The following ADARB1 variants were observed in gnomAD, a reference collection of about 807,000 sequenced individuals.
The protein encoded by ADARB1 is adenosine deaminase RNA specific B1, also known as double-stranded RNA-specific editase 1.
In ADARB1, 10 loss-of-function variants were observed where a neutral mutation model predicts 52.4. The ratio of observed to expected loss-of-function variants is 0.19; its 90% CI spans 0.12 to 0.32. The LOEUF is 0.32. Among genes scored for constraint, ADARB1 ranks in the 10% least tolerant of loss-of-function variants. ADARB1 has a pLI of 1.00. For synonymous variants in ADARB1, 349 were observed against 371.1 expected (o/e 0.94, Z 0.68); for missense variants, 643 against 922.3 (o/e 0.70, Z 3.92).
At chr21:45,179,025 T>TC (rs1015040032) in intron 4 of ADARB1, among the ~76,000 whole-genome samples, 2 of 152,222 alleles carry the variant, frequency 1.3e-5, no homozygotes, top group Admixed American at 1.3e-4. Context: ...CTCTGGCTTA[T>TC]CCCTAATCTT....
At chr21:45,177,565 C>G (rs796325700) in intron 4 of ADARB1, 1 of 152,342 alleles carries the variant, frequency 6.6e-6, no homozygotes, top group East Asian at 1.9e-4. Context: ...ATCCAAAGTT[C>G]TTCTGGTCTA....
In ADARB1 at chr21:45,221,908, C is replaced by A; in HGVS notation, c.1927-110C>A. ...AAGGCGCCTTCCTCTGGGTTGCTTTCCCCCCAGAAGCCAATGCAGTTCTGA... is the reference window on the plus strand; with the variant it reads ...AAGGCGCCTTCCTCTGGGTTGCTTTACCCCCAGAAGCCAATGCAGTTCTGA... On this transcript the variant is annotated intron_variant, in intron 10 of 10. Transcript: ENST00000348831. The surrounding 1 kb of genome is among the most constrained non-coding windows in gnomAD (Gnocchi z 4.9). 8.1e-7 allele frequency: 1 copy of A among 1,235,026 alleles called. No individual in the cohort carries two copies. Among genetic ancestry groups the A allele is most frequent in the South Asian group, 1.5e-5 (1 of 66,898 alleles). 76.5% of individuals were successfully genotyped at this position (1,235,026 alleles called of 1,614,324 possible). A position where few individuals can be genotyped will look rare whatever the true frequency, so the allele number is the denominator to read the frequency against.
intron 1 of ADARB1, among the ~76,000 whole-genome samples, chr21:45,101,368 C>T (rs1000008252): frequency 7.9e-5 from 12 of 152,376 alleles, no homozygotes; most frequent in African/African-American, 2.2e-4. Context: ...GAAATGCCCG[C>T]TGCCAGTCGC....
At chr21:45,155,199 A>C (rs927357828) in intron 2 of ADARB1, among the ~76,000 whole-genome samples, 1 of 152,144 alleles carries the variant, frequency 6.6e-6, no homozygotes, top group African/African-American at 2.4e-5. Flanking sequence ...CCATGTTTCC[A>C]GGATAGAGGT....
At chr21:45,174,919 G>T (rs1366001787) in intron 3 of ADARB1, among the ~76,000 whole-genome samples, 2 of 152,250 alleles carry the variant, frequency 1.3e-5, no homozygotes, top group Non-Finnish European at 1.5e-5. Context: ...TATTTATGAA[G>T]TTAGGAAGTT....
At position 45,175,977 on chromosome 21, in the gene ADARB1, T is replaced by A; in HGVS notation, c.276T>A (p.Gly92=). Residue 92 remains glycine, a synonymous_variant, in exon 4 of 11, where the codon GGT becomes GGA. Transcript: ENST00000348831. ...ALMQLNEIKP[G]LQYTLLSQTG... is the part of the protein sequence containing the mutation. Reference sequence around the variant, plus strand: ...TGCAGCTGAATGAGATCAAGCCTGGTTTGCAGTACACACTCCTGTCCCAGA... The same window carrying A: ...TGCAGCTGAATGAGATCAAGCCTGGATTGCAGTACACACTCCTGTCCCAGA... The A allele has an allele frequency of 6.2e-7, 1 of 1,613,418 alleles. No individual in the cohort carries two copies. Among genetic ancestry groups the A allele is most frequent in the Non-Finnish European group, 8.5e-7 (1 of 1,179,750 alleles).
chr21:45,109,761 C>T (rs2087450926), intron 1 of ADARB1, among the ~76,000 whole-genome samples: 1 of 152,192 alleles, frequency 6.6e-6, no homozygotes, highest in South Asian at 2.1e-4. Context: ...GCCCCTCTTT[C>T]TGGATGCTTT....
rs1255416437 is a variant in ADARB1 at position 45,226,263 on chromosome 21, A to G, written c.*4066A>G. 6.6e-6 allele frequency: 1 copy of G among 152,582 alleles called. No homozygotes were observed. Among genetic ancestry groups the G allele is most frequent in the Admixed American group, 6.5e-5 (1 of 15,286 alleles). The allele number at this position is 152,582 out of a possible 1,614,324, so 9.5% of individuals were successfully genotyped here. A position where few individuals can be genotyped will look rare whatever the true frequency, so the allele number is the denominator to read the frequency against. Reference sequence around the variant, plus strand: ...ACATGAACTGAACGGTTAAAAGCACAGTCTATGGAACGCTAATGGAGTCAG... The same window carrying G: ...ACATGAACTGAACGGTTAAAAGCACGGTCTATGGAACGCTAATGGAGTCAG... On this transcript the variant is annotated 3_prime_UTR_variant, in exon 11 of 11. Coordinates refer to ENST00000348831, the MANE Select transcript of ADARB1 (RefSeq NM_001112.4).
Position 45,134,785 on chromosome 21 carries a change from G to A in ADARB1, c.-48+6212G>A, listed in dbSNP as rs758832655. 19 of 534,054 alleles carry A rather than the reference G, an allele frequency of 3.6e-5. 1 individual carries two copies. The highest frequency in any genetic ancestry group is 2.7e-4 in the South Asian group (19 of 71,560). The allele number at this position is 534,054 out of a possible 1,614,324, so 33.1% of individuals were successfully genotyped here. On this transcript the variant is annotated intron_variant, in intron 2 of 10. Coordinates refer to ENST00000348831, the MANE Select transcript of ADARB1 (RefSeq NM_001112.4). The stretch of plus-strand genomic sequence containing the variant: ...GCATTGAGGACCCCCTAGAGGCCAG[G>A]CCCATGAGTGATGAAGATCCCGAGG...
At chr21:45,171,523 AT>A in intron 2 of ADARB1, 86 bp from the exon 3 acceptor site, 6 of 839,740 alleles carry the variant, frequency 7.1e-6, no homozygotes, top group Non-Finnish European at 1.2e-5. Flanking sequence ...ATTTGTAATA[AT>A]GTTGTAATTA....
chr21:45,112,436 A>G (rs1455696768), intron 1 of ADARB1, among the ~76,000 whole-genome samples: 4 of 151,444 alleles, frequency 2.6e-5, no homozygotes, highest in African/African-American at 9.7e-5. Flanking sequence ...GGCTCCTCAT[A>G]ACCCTTCCCT....
chr21:45,155,841 C>T (rs189621929), intron 2 of ADARB1, among the ~76,000 whole-genome samples: 1 of 128,752 alleles, frequency 7.8e-6, no homozygotes, highest in Non-Finnish European at 1.6e-5. Flanking sequence ...CATCCATCCA[C>T]CCACCCACCC....
intron 2 of ADARB1, among the ~76,000 whole-genome samples, chr21:45,135,871 C>T (rs1209183706): frequency 6.6e-6 from 1 of 152,192 alleles, no homozygotes; most frequent in African/African-American, 2.4e-5. Flanking sequence ...CCTCACCCTC[C>T]CCGGTGGGTC....
intron 1 of ADARB1, among the ~76,000 whole-genome samples, chr21:45,081,052 G>A (rs1481901835): frequency 2.0e-5 from 3 of 151,382 alleles, no homozygotes; most frequent in Non-Finnish European, 4.4e-5. Flanking sequence ...GCGATGAAAT[G>A]TGAAGAAGCC....
chr21:45,221,048 C>T lies in ADARB1; in HGVS notation c.1926+34C>T, dbSNP rs1437076058. 2 of 1,571,700 alleles carry T rather than the reference C, an allele frequency of 1.3e-6. No homozygotes were observed. The highest frequency in any genetic ancestry group is 1.7e-6 in the Non-Finnish European group (2 of 1,156,398). On this transcript the variant is annotated intron_variant, in intron 10 of 10. Transcript: ENST00000348831. The surrounding 1 kb of genome is among the most constrained non-coding windows in gnomAD (Gnocchi z 4.9). Reference sequence around the variant, plus strand: ...GCGCCCTCACCGCAATGCGCCGGCTCCACCTCCCCAATAGCTTGTCTGTCC... The same window carrying T: ...GCGCCCTCACCGCAATGCGCCGGCTTCACCTCCCCAATAGCTTGTCTGTCC...
intron 2 of ADARB1, among the ~76,000 whole-genome samples, chr21:45,143,171 C>T (rs2089821932): frequency 1.3e-5 from 2 of 152,204 alleles, no homozygotes; most frequent in African/African-American, 4.8e-5. Context: ...GCTTCTTCCT[C>T]TCCTAACCTC....
At position 45,223,062 on chromosome 21, in the gene ADARB1, T is replaced by C; in HGVS notation, c.*865T>C. The C allele has an allele frequency of 8.1e-6, 8 of 985,440 alleles. No individual in the cohort carries two copies. The highest frequency in any genetic ancestry group is 9.6e-6 in the Non-Finnish European group (8 of 829,932). 61.0% of individuals were successfully genotyped at this position (985,440 alleles called of 1,614,324 possible). A position where few individuals can be genotyped will look rare whatever the true frequency, so the allele number is the denominator to read the frequency against. On this transcript the variant is annotated 3_prime_UTR_variant, in exon 11 of 11. Coordinates refer to ENST00000348831, the MANE Select transcript of ADARB1 (RefSeq NM_001112.4). ...AGGTTTTTTAAAGGATATTTAACTT[T>C]TATGGACTAGAAGGAATCACGAGGG...
chr21:45,211,131 G>C (rs902563468), intron 9 of ADARB1, among the ~76,000 whole-genome samples: 1 of 152,246 alleles, frequency 6.6e-6, no homozygotes, highest in Non-Finnish European at 1.5e-5. Context: ...CAGCCCTGGG[G>C]AGTGGGCTGG....
intron 5 of ADARB1, among the ~76,000 whole-genome samples, chr21:45,181,126 C>A (rs559369493): frequency 6.6e-6 from 1 of 152,344 alleles, no homozygotes; most frequent in South Asian, 2.1e-4. Context: ...CTGCTCAGCC[C>A]AGCCTGGACA....
Sources: gnomAD v4.1 joint callset for allele counts (sites outside exome capture counted in the v4.1 genomes callset) on GRCh38, gnomAD v4.1.1 for gene constraint, Gnocchi (gnomAD v3.1) non-coding constraint, MANE v1.5 for transcripts, NCBI Gene and HGNC (gene_info 2026-07-23, HGNC 2026-07-21) for gene names.